SOHLH2: variants seen among roughly 807,000 people sequenced by gnomAD.
SOHLH2 encodes the protein spermatogenesis- and oogenesis-specific basic helix-loop-helix-containing protein 2.
A neutral mutation model predicts 50.4 loss-of-function variants in SOHLH2; 22 were observed. The ratio of observed to expected loss-of-function variants is 0.44; its 90% CI spans 0.31 to 0.62. The LOEUF (loss-of-function observed/expected upper bound fraction) is 0.62, where lower values mean the gene tolerates loss of function less well. SOHLH2 is among the 20% of genes least tolerant of loss of function. The pLI is 0.08. For synonymous variants in SOHLH2, 185 were observed against 187.3 expected (o/e 0.99, Z 0.10); for missense variants, 412 against 504.4 (o/e 0.82, Z 1.76).
rs892607862 is a variant in SOHLH2, at chr13:36,170,609, C to A, written c.1179G>T (p.Met393Ile). 1 of 1,613,982 alleles carries A rather than the reference C, an allele frequency of 6.2e-7. No homozygotes were observed. Among genetic ancestry groups the A allele is most frequent in the African/African-American group, 1.3e-5 (1 of 74,898 alleles). The change falls in exon 10 of 11, where the codon ATG becomes ATT. Residue 393 changes from methionine (M) to isoleucine (I), a missense_variant. Met to Ile is a conservative substitution (Grantham distance 10, BLOSUM62 1). Transcript: ENST00000379881. ...QNISIHLPSA[M>I]PPVSKLLPRH... Reference sequence around the variant, plus strand: ...GAGGGAGAAGCTTTGAGACCGGGGGCATGGCTGAAGGTAAATGAATTGAAA... The same window carrying A: ...GAGGGAGAAGCTTTGAGACCGGGGGAATGGCTGAAGGTAAATGAATTGAAA...
intron 6 of SOHLH2, among the ~76,000 whole-genome samples, chr13:36,176,719 G>C (rs984962432): frequency 1.3e-4 from 20 of 152,024 alleles, no homozygotes; most frequent in African/African-American, 4.8e-4. Context: ...GAAAAAGTTT[G>C]ATTTTGGAAC....
intron 10 of SOHLH2, 35 bp downstream of exon 10, chr13:36,170,496 G>T (rs762740720): frequency 6.9e-6 from 11 of 1,602,824 alleles, no homozygotes; most frequent in Non-Finnish European, 8.5e-6. Flanking sequence ...GGAGTGAAAG[G>T]GTCCAATCTG....
At chr13:36,193,344 G>A (rs1258882153) in intron 4 of SOHLH2, among the ~76,000 whole-genome samples, 2 of 152,142 alleles carry the variant, frequency 1.3e-5, no homozygotes, top group East Asian at 1.9e-4. Flanking sequence ...ATTTTAATGA[G>A]TAAGAAATTA....
At chr13:36,191,704 C>T in intron 5 of SOHLH2, 91 bp downstream of exon 5, 1 of 1,478,870 alleles carries the variant, frequency 6.8e-7, no homozygotes, top group Non-Finnish European at 9.3e-7. Flanking sequence ...TTCTTAAGTA[C>T]AGCAAATGCT....
At chr13:36,197,335 G>A (rs889339416) in intron 2 of SOHLH2, among the ~76,000 whole-genome samples, 2 of 152,102 alleles carry the variant, frequency 1.3e-5, no homozygotes, top group Non-Finnish European at 2.9e-5. Context: ...AGCCAGCATC[G>A]CTCAACCTGC....
chr13:36,196,517 G>C (rs971864643), intron 2 of SOHLH2, among the ~76,000 whole-genome samples: 21 of 152,252 alleles, frequency 1.4e-4, no homozygotes, highest in Middle Eastern at 6.8e-3. Flanking sequence ...GGGAATAATG[G>C]ACTGAGCAGA....
chr13:36,179,747 G>A (rs750260722), intron 6 of SOHLH2, among the ~76,000 whole-genome samples: 19 of 151,886 alleles, frequency 1.3e-4, no homozygotes, highest in Non-Finnish European at 1.9e-4. Context: ...TACCAGTCTT[G>A]CTTTTCTAGG....
At chr13:36,194,410 C>T (rs1470835582) in intron 2 of SOHLH2, among the ~76,000 whole-genome samples, 1 of 152,010 alleles carries the variant, frequency 6.6e-6, no homozygotes, top group Admixed American at 6.6e-5. Flanking sequence ...TTCTCTGAGT[C>T]CTCACCTTAG....
intron 6 of SOHLH2, among the ~76,000 whole-genome samples, chr13:36,187,323 C>T (rs368544006): frequency 2.0e-5 from 3 of 152,078 alleles, no homozygotes; most frequent in Non-Finnish European, 2.9e-5. Flanking sequence ...AATGTTTCCT[C>T]GCATCATTTC....
intron 6 of SOHLH2, among the ~76,000 whole-genome samples, chr13:36,188,363 T>C (rs1156634286): frequency 6.6e-6 from 1 of 152,212 alleles, no homozygotes; most frequent in Non-Finnish European, 1.5e-5. Flanking sequence ...CTTCTTTCTC[T>C]CTCTCAGCTG....
At chr13:36,208,185 C>G (rs2138330396) in intron 1 of SOHLH2, among the ~76,000 whole-genome samples, 1 of 152,122 alleles carries the variant, frequency 6.6e-6, no homozygotes, top group Non-Finnish European at 1.5e-5. Context: ...AAAGTTATAC[C>G]CTCTGTTCCT....
chr13:36,202,884 A>G (rs1457361833), intron 1 of SOHLH2, among the ~76,000 whole-genome samples: 2 of 152,196 alleles, frequency 1.3e-5, no homozygotes, highest in African/African-American at 2.4e-5. Flanking sequence ...TTGTACAAAG[A>G]GAAAGGCAGC....
intron 8 of SOHLH2, 93 bp downstream of exon 8, chr13:36,174,383 C>T (rs950564315): frequency 2.6e-6 from 4 of 1,537,482 alleles, no homozygotes; most frequent in Non-Finnish European, 3.5e-6. Context: ...CCTGCACTTT[C>T]ACTGTGGATA....
Position 36,189,032 on chromosome 13 carries a change from C to T in SOHLH2, c.641+914G>A, listed in dbSNP as rs567791965. ...ACACTGCCATTCTACTGTCCTTCTT[C>T]GTCAGTGGATGGTGTCACCATCCAC... On this transcript the variant is annotated intron_variant, in intron 6 of 10. Coordinates refer to ENST00000379881, the MANE Select transcript of SOHLH2 (RefSeq NM_017826.3). 7.2e-5 allele frequency among the ~76,000 whole-genome samples: 11 copies of T among 152,268 alleles called. No individual in the cohort carries two copies. The South Asian group carries it at 1.5e-3, about 20-fold the overall frequency.
At chr13:36,197,623 G>A (rs1391630660) in intron 2 of SOHLH2, among the ~76,000 whole-genome samples, 3 of 152,152 alleles carry the variant, frequency 2.0e-5, no homozygotes, top group Non-Finnish European at 2.9e-5. Context: ...GTTTTCTTGA[G>A]TACAGTTACC....
chr13:36,200,779 G>A (rs1272166035), intron 2 of SOHLH2, among the ~76,000 whole-genome samples: 1 of 152,080 alleles, frequency 6.6e-6, no homozygotes, highest in Admixed American at 6.6e-5. Context: ...GGCTAGGCAT[G>A]GTGGCTCACC....
intron 9 of SOHLH2, among the ~76,000 whole-genome samples, chr13:36,171,469 A>C (rs76030288): frequency 0.021 from 3,137 of 152,304 alleles, 90 homozygotes; most frequent in African/African-American, 0.071. Flanking sequence ...TCTAGCCTTC[A>C]ACTTCCTGAT....
Position 36,168,889 on chromosome 13 carries a change from C to T in SOHLH2, c.*145G>A. On this transcript the variant is annotated 3_prime_UTR_variant, in exon 11 of 11. Transcript: ENST00000379881. ...TTTCTATCTGCAGAAGCTTTGAGTGCATTTATCAGAAGCCAAACCATGCCA... is the reference window on the plus strand; with the variant it reads ...TTTCTATCTGCAGAAGCTTTGAGTGTATTTATCAGAAGCCAAACCATGCCA... 7.4e-7 allele frequency: 1 copy of T among 1,359,546 alleles called. No homozygotes were observed. The highest frequency in any genetic ancestry group is 9.7e-7 in the Non-Finnish European group (1 of 1,028,762). The allele number at this position is 1,359,546 out of a possible 1,614,324, so 84.2% of individuals were successfully genotyped here.
intron 9 of SOHLH2, 61 bp downstream of exon 9, chr13:36,173,631 G>C (rs1162499845): frequency 1.3e-6 from 2 of 1,594,822 alleles, no homozygotes; most frequent in African/African-American, 2.7e-5. Context: ...ACAGGAGCCT[G>C]GGGGTTTGCA....
Sources: allele counts gnomAD v4.1 joint callset (sites outside exome capture counted in the v4.1 genomes callset), GRCh38; gene constraint gnomAD v4.1.1; transcripts MANE v1.5; gene names NCBI Gene and HGNC (gene_info 2026-07-23, HGNC 2026-07-21).